The following FAM114A2 variants were observed in gnomAD, a reference collection of about 807,000 sequenced individuals.
FAM114A2 encodes the protein protein FAM114A2.
A neutral mutation model predicts 58.4 loss-of-function variants in FAM114A2; 53 were observed. The ratio of observed to expected loss-of-function variants is 0.91; its 90% CI spans 0.73 to 1.14. FAM114A2 has a LOEUF of 1.14. FAM114A2 is among the 50% of genes most tolerant of loss of function. The pLI, the probability that FAM114A2 is intolerant of heterozygous loss-of-function variation, is 0.00. For missense variants in FAM114A2, 601 were observed against 581.1 expected (o/e 1.03, Z -0.35); for synonymous variants, 228 against 211.4 (o/e 1.08, Z -0.68).
intron 5 of FAM114A2, among the ~76,000 whole-genome samples, chr5:154,028,777 T>C (rs1771975074): frequency 6.6e-6 from 1 of 152,218 alleles, no homozygotes; most frequent in East Asian, 1.9e-4. Context: ...TGATTCCACT[T>C]ATGTAAAGCT....
intron 13 of FAM114A2, among the ~76,000 whole-genome samples, chr5:153,993,534 A>G (rs1427942750): frequency 6.6e-6 from 1 of 152,178 alleles, no homozygotes; most frequent in African/African-American, 2.4e-5. Context: ...CATGGACTCA[A>G]TGCGATCAGT....
intron 11 of FAM114A2, among the ~76,000 whole-genome samples, chr5:153,998,830 G>T (rs1439428105): frequency 6.6e-6 from 1 of 152,198 alleles, no homozygotes; most frequent in Non-Finnish European, 1.5e-5. Context: ...GGCTAAGGCA[G>T]ACCCAAAGCC....
chr5:154,023,053 A>G (rs1771534111), intron 8 of FAM114A2, among the ~76,000 whole-genome samples: 2 of 152,074 alleles, frequency 1.3e-5, no homozygotes, highest in East Asian at 1.9e-4. Flanking sequence ...ACCAAACACC[A>G]CTTGTTCTCA....
intron 13 of FAM114A2, chr5:153,994,522 T>C (rs1403304471): frequency 6.3e-6 from 1 of 157,812 alleles, no homozygotes; most frequent in African/African-American, 2.4e-5. Flanking sequence ...GGCAAGGAAA[T>C]GACAACATGT....
At chr5:153,997,086 G>A (rs1287435398) in intron 12 of FAM114A2, among the ~76,000 whole-genome samples, 1 of 151,108 alleles carries the variant, frequency 6.6e-6, no homozygotes, top group Non-Finnish European at 1.5e-5. Context: ...ATACCCACTA[G>A]GATGGCTAAA....
chr5:153,991,953 A>C lies in FAM114A2; in HGVS notation c.*1023T>G, dbSNP rs1769269660. 6.6e-6 allele frequency: 1 copy of C among 152,220 alleles called. No individual in the cohort carries two copies. Among genetic ancestry groups the C allele is most frequent in the Non-Finnish European group, 1.5e-5 (1 of 68,036 alleles). The allele number at this position is 152,220 out of a possible 1,614,324, so 9.4% of individuals were successfully genotyped here. ...GCTGAAGAGAGCAAAAGAAAGCTTAAGATCTGGAGGATAAAAGTTATATCA... is the reference window on the plus strand; with the variant it reads ...GCTGAAGAGAGCAAAAGAAAGCTTACGATCTGGAGGATAAAAGTTATATCA... On this transcript the variant is annotated 3_prime_UTR_variant, in exon 14 of 14. Coordinates refer to ENST00000351797, the MANE Select transcript of FAM114A2 (RefSeq NM_018691.4).
intron 11 of FAM114A2, among the ~76,000 whole-genome samples, chr5:154,001,226 G>A (rs1769950241): frequency 6.6e-6 from 1 of 152,092 alleles, no homozygotes; most frequent in South Asian, 2.1e-4. Context: ...TCATATACAT[G>A]TAAGTCCTAC....
intron 8 of FAM114A2, among the ~76,000 whole-genome samples, chr5:154,020,950 G>T (rs1236526396): frequency 6.6e-6 from 1 of 152,118 alleles, no homozygotes; most frequent in African/African-American, 2.4e-5. Flanking sequence ...TATCCACCAA[G>T]ATCAAGTTGG....
At chr5:154,023,195 T>A (rs1471019894) in intron 8 of FAM114A2, among the ~76,000 whole-genome samples, 2 of 151,920 alleles carry the variant, frequency 1.3e-5, no homozygotes. Context: ...AAATGATGAG[T>A]TGATGGGTGC....
chr5:154,029,594 G>A lies in FAM114A2; in HGVS notation c.404-14C>T. The A allele has an allele frequency of 6.8e-7, 1 of 1,477,520 alleles. No homozygotes were observed. Among genetic ancestry groups the A allele is most frequent in the Non-Finnish European group, 9.5e-7 (1 of 1,058,014 alleles). 91.5% of individuals were successfully genotyped at this position (1,477,520 alleles called of 1,614,324 possible). A position where few individuals can be genotyped will look rare whatever the true frequency, so the allele number is the denominator to read the frequency against. ...CATTTGTCTCTCCTACAAGAGGGAG[G>A]GGATGTGTAAACATGAAGGGAAGGT... On this transcript the variant is annotated splice_polypyrimidine_tract_variant and intron_variant, in intron 4 of 13. Transcript: ENST00000351797.
intron 8 of FAM114A2, among the ~76,000 whole-genome samples, chr5:154,012,842 G>A (rs527976534): frequency 6.6e-6 from 1 of 152,180 alleles, no homozygotes; most frequent in East Asian, 1.9e-4. Context: ...ATAGTGGGAT[G>A]CATATACCCA....
chr5:154,003,539 T>C (rs919575139), intron 9 of FAM114A2, among the ~76,000 whole-genome samples: 5 of 151,982 alleles, frequency 3.3e-5, no homozygotes, highest in Admixed American at 2.6e-4. Context: ...ATCTTCAGAG[T>C]ATGGCTTAAG....
At position 154,034,774 on chromosome 5, in the gene FAM114A2, G is replaced by A. The variant is rs766482022; in HGVS notation, c.180C>T (p.Asp60=). Residue 60 remains aspartate (D), a synonymous_variant, in exon 2 of 14, where the codon GAC becomes GAT. Coordinates refer to ENST00000351797, the MANE Select transcript of FAM114A2 (RefSeq NM_018691.4). ...RKRPETKPSS[D]LETSKVLPIQ... ...TAGGGAGAACTTTTGAAGTCTCAAG[G>A]TCACTGGAAGGTTTGGTCTCTGGTC... 18 of 1,613,680 alleles carry A rather than the reference G, an allele frequency of 1.1e-5. No individual in the cohort carries two copies. In the Admixed American group the frequency reaches 1.5e-4, roughly 13 times the overall value.
intron 4 of FAM114A2, among the ~76,000 whole-genome samples, chr5:154,031,601 C>A (rs1772207951): frequency 6.6e-6 from 1 of 152,152 alleles, no homozygotes; most frequent in South Asian, 2.1e-4. Flanking sequence ...TTGGAAAGTT[C>A]TCCCTGTTAA....
At chr5:154,020,409 T>G (rs1410303649) in intron 8 of FAM114A2, among the ~76,000 whole-genome samples, 2 of 151,714 alleles carry the variant, frequency 1.3e-5, no homozygotes, top group African/African-American at 4.8e-5. Context: ...TTAGCGAGAC[T>G]AACAAAGAAG....
chr5:154,033,735 T>C, intron 4 of FAM114A2, 56 bp downstream of exon 4: 4 of 1,044,786 alleles, frequency 3.8e-6, no homozygotes, highest in Non-Finnish European at 5.9e-6. Context: ...GAAAAATTAG[T>C]TCAACTGTTC....
rs115384246 is a variant in FAM114A2, at chr5:154,038,887, G to C, written c.-45C>G. ...CGGCCGCCACCCTCAGCACAGCCAC[G>C]GCAGCCGACTCGGCGTTCCTACTGC... is the stretch of plus-strand genomic sequence containing the variant. On this transcript the variant is annotated 5_prime_UTR_variant, in exon 1 of 14. Transcript: ENST00000351797. The C allele has an allele frequency of 9.8e-5, 15 of 152,614 alleles. No homozygotes were observed. Among genetic ancestry groups the C allele is most frequent in the African/African-American group, 3.1e-4 (13 of 41,578 alleles). The allele number at this position is 152,614 out of a possible 1,614,324, so 9.5% of individuals were successfully genotyped here.
At chr5:154,014,461 C>A (rs1770893602) in intron 8 of FAM114A2, among the ~76,000 whole-genome samples, 1 of 152,148 alleles carries the variant, frequency 6.6e-6, no homozygotes, top group Non-Finnish European at 1.5e-5. Flanking sequence ...ACCCGGGAGA[C>A]ATCTCAAATA....
intron 1 of FAM114A2, among the ~76,000 whole-genome samples, chr5:154,035,983 T>C (rs1772532960): frequency 6.6e-6 from 1 of 152,226 alleles, no homozygotes; most frequent in Non-Finnish European, 1.5e-5. Context: ...CATCTGTATA[T>C]CCTTGTCAGT....
Sources: allele counts gnomAD v4.1 joint callset (sites outside exome capture counted in the v4.1 genomes callset), GRCh38; gene constraint gnomAD v4.1.1; transcripts MANE v1.5; gene names NCBI Gene and HGNC (gene_info 2026-07-23, HGNC 2026-07-21).